The following PLEKHA2 variants were observed in gnomAD, a reference collection of about 807,000 sequenced individuals.
The protein encoded by PLEKHA2 is pleckstrin homology domain containing A2.
PLEKHA2 carries 28 observed loss-of-function variants against 53.2 expected under a neutral mutation model. That is an observed-to-expected ratio of 0.53 (90% CI 0.39 to 0.72). The LOEUF (loss-of-function observed/expected upper bound fraction) is 0.72, where lower values mean the gene tolerates loss of function less well. Among genes scored for constraint, PLEKHA2 ranks in the 30% least tolerant of loss-of-function variants. PLEKHA2 has a pLI of 0.00. For missense variants in PLEKHA2, 426 were observed against 537.9 expected (o/e 0.79, Z 2.06); for synonymous variants, 193 against 196.4 (o/e 0.98, Z 0.14).
At chr8:38,954,846 A>C (rs1834909444) in intron 9 of PLEKHA2, among the ~76,000 whole-genome samples, 2 of 152,100 alleles carry the variant, frequency 1.3e-5, no homozygotes, top group African/African-American at 2.4e-5. Context: ...CATCCTGGCC[A>C]ACATAGCGAA....
rs976254639 is a variant in PLEKHA2, at chr8:38,971,495, T to C, written c.*1712T>C. On this transcript the variant is annotated 3_prime_UTR_variant, in exon 12 of 12. Transcript: ENST00000617275. ...CTCGTATTTTCCCCAAGAAAATTTT[T>C]TGGCTATTCAAAGAAAGCACAAAAT... The C allele has an allele frequency of 6.6e-6, 1 of 152,226 alleles. No homozygotes were observed. The highest frequency in any genetic ancestry group is 2.4e-5 in the African/African-American group (1 of 41,452). 9.4% of individuals were successfully genotyped at this position (152,226 alleles called of 1,614,324 possible).
intron 3 of PLEKHA2, among the ~76,000 whole-genome samples, chr8:38,941,612 C>T (rs1194221057): frequency 6.6e-6 from 1 of 152,094 alleles, no homozygotes; most frequent in African/African-American, 2.4e-5. Context: ...GCATTTTGCC[C>T]GTAGTTCCAG....
rs1447813226 is a variant in PLEKHA2, at chr8:38,964,482, T to C, written c.838-4110T>C. On this transcript the variant is annotated intron_variant, in intron 10 of 11. Transcript: ENST00000617275. ...CCTATGAGAATGTAATGCCTGATGA[T>C]CTGAGGTGGAACAGTTTCATCCCGA... Among the ~76,000 whole-genome samples the C allele has an allele frequency of 4.6e-5, 7 of 152,262 alleles. No homozygotes were observed. The East Asian group carries it at 1.4e-3, about 29-fold the overall frequency.
rs374493606 is a variant in PLEKHA2, at chr8:38,918,025, G to A, written c.96G>A (p.Leu32=). The change falls in exon 2 of 12, where the codon CTG becomes CTA. Residue 32 remains leucine, a synonymous_variant. Coordinates refer to ENST00000617275, the MANE Select transcript of PLEKHA2 (RefSeq NM_021623.2). ...AGTTTCTGCGGAGGTACTTCATTCT[G>A]GACACCCAGGCTAACTGCCTCCTCT... ...SGKFLRRYFI[L]DTQANCLLWY... 2.8e-4 allele frequency: 449 copies of A among 1,613,342 alleles called. 1 individual carries two copies. The highest frequency in any genetic ancestry group is 3.6e-4 in the Non-Finnish European group (419 of 1,179,636).
Position 38,935,989 on chromosome 8 carries a change from T to C in PLEKHA2, c.142-5T>C. The C allele has an allele frequency of 6.2e-7, 1 of 1,613,258 alleles. No individual in the cohort carries two copies. Among genetic ancestry groups the C allele is most frequent in the Non-Finnish European group, 8.5e-7 (1 of 1,179,354 alleles). ...TTCTTAAAATGAAAACTATGTGTCTTTCAGAATCTGGCAATGGGGGCAGGA... is the reference window on the plus strand; with the variant it reads ...TTCTTAAAATGAAAACTATGTGTCTCTCAGAATCTGGCAATGGGGGCAGGA... On this transcript the variant is annotated splice_polypyrimidine_tract_variant and splice_region_variant and intron_variant, in intron 2 of 11. Transcript: ENST00000617275.
intron 2 of PLEKHA2, among the ~76,000 whole-genome samples, chr8:38,934,217 C>T (rs548602605): frequency 1.1e-4 from 17 of 152,046 alleles, no homozygotes; most frequent in African/African-American, 3.9e-4. Flanking sequence ...CCAGGGTGGT[C>T]CCAGAGTCCT....
chr8:38,968,728 G>A (rs1447548731), intron 11 of PLEKHA2, 59 bp downstream of exon 11: 51 of 1,581,578 alleles, frequency 3.2e-5, no homozygotes, highest in Middle Eastern at 3.3e-4. Flanking sequence ...CTCTCAAGCA[G>A]GCATGTTTTA....
At chr8:38,917,683 C>G (rs971217005) in intron 1 of PLEKHA2, among the ~76,000 whole-genome samples, 2 of 152,192 alleles carry the variant, frequency 1.3e-5, no homozygotes, top group African/African-American at 4.8e-5. Context: ...CAATGCTATC[C>G]TGGGCACATA....
chr8:38,934,908 G>C (rs1300602403), intron 2 of PLEKHA2, among the ~76,000 whole-genome samples: 2 of 152,132 alleles, frequency 1.3e-5, no homozygotes, highest in Non-Finnish European at 2.9e-5. Context: ...ACAGGACAGA[G>C]TCAGTGAGAT....
intron 5 of PLEKHA2, among the ~76,000 whole-genome samples, chr8:38,948,236 C>T (rs147503341): frequency 6.6e-6 from 1 of 152,182 alleles, no homozygotes; most frequent in Non-Finnish European, 1.5e-5. Context: ...AATGTGGTTA[C>T]ATAATAACAG....
intron 10 of PLEKHA2, among the ~76,000 whole-genome samples, chr8:38,965,663 T>G (rs1383448141): frequency 6.6e-6 from 1 of 152,148 alleles, no homozygotes; most frequent in African/African-American, 2.4e-5. Flanking sequence ...ATCTTGATGA[T>G]TTGATCTTTG....
chr8:38,926,699 G>A (rs1169173308), intron 2 of PLEKHA2, among the ~76,000 whole-genome samples: 4 of 152,362 alleles, frequency 2.6e-5, no homozygotes, highest in Non-Finnish European at 4.4e-5. Context: ...GGGAGGCCAA[G>A]GCAGGCGATC....
chr8:38,901,701 C>G (rs1224069002), intron 1 of PLEKHA2: 1 of 150,874 alleles, frequency 6.6e-6, no homozygotes, highest in African/African-American at 2.5e-5. Flanking sequence ...CCCGGGTGGC[C>G]AAGGTCGCCG....
chr8:38,962,365 A>G (rs1178123160), intron 10 of PLEKHA2, among the ~76,000 whole-genome samples: 3 of 152,134 alleles, frequency 2.0e-5, no homozygotes, highest in Non-Finnish European at 2.9e-5. Context: ...GAAAAAAATA[A>G]GAGCAGCCTG....
intron 2 of PLEKHA2, among the ~76,000 whole-genome samples, chr8:38,934,452 G>A (rs1737547601): frequency 6.6e-6 from 1 of 151,604 alleles, no homozygotes; most frequent in African/African-American, 2.4e-5. Context: ...TCTTTTTTGA[G>A]ATGGAGTCTC....
chr8:38,948,646 A>G (rs1326117543), intron 5 of PLEKHA2, among the ~76,000 whole-genome samples: 1 of 152,136 alleles, frequency 6.6e-6, no homozygotes, highest in Non-Finnish European at 1.5e-5. Context: ...TATTGTTTTG[A>G]ACAGACACCA....
intron 10 of PLEKHA2, among the ~76,000 whole-genome samples, chr8:38,965,788 A>G (rs909316535): frequency 2.0e-5 from 3 of 152,134 alleles, no homozygotes; most frequent in African/African-American, 7.2e-5. Flanking sequence ...TTTTTGTCGC[A>G]TATCATATAA....
chr8:38,941,212 A>T (rs538459544), intron 3 of PLEKHA2, among the ~76,000 whole-genome samples: 1 of 152,142 alleles, frequency 6.6e-6, no homozygotes, highest in Admixed American at 6.5e-5. Flanking sequence ...ATGTGCCACC[A>T]CACCCGGCTA....
rs113605217 is a variant in PLEKHA2 at position 38,960,189 on chromosome 8, A to G, written c.837+2803A>G. ...CTTCCCACATTTCTGGGATAAGAGA[A>G]CACTAGCGTCACACTGAATAAGTAA... On this transcript the variant is annotated intron_variant, in intron 10 of 11. Transcript: ENST00000617275. 2.2e-4 allele frequency among the ~76,000 whole-genome samples: 34 copies of G among 152,356 alleles called. 1 individual carries two copies. The highest frequency in any genetic ancestry group is 7.9e-4 in the African/African-American group (33 of 41,572).
Sources: gnomAD v4.1 joint callset for allele counts (sites outside exome capture counted in the v4.1 genomes callset) on GRCh38, gnomAD v4.1.1 for gene constraint, MANE v1.5 for transcripts, NCBI Gene and HGNC (gene_info 2026-07-23, HGNC 2026-07-21) for gene names.